VPS13A: variants seen among roughly 807,000 people sequenced by gnomAD.
VPS13A encodes vacuolar protein sorting 13 homolog A.
VPS13A carries 264 observed loss-of-function variants against 390.9 expected under a neutral mutation model. That is an observed-to-expected ratio of 0.68 (90% confidence interval 0.61 to 0.75). The LOEUF (loss-of-function observed/expected upper bound fraction) is 0.75, where lower values mean the gene tolerates loss of function less well. Among genes scored for constraint, VPS13A ranks in the 30% least tolerant of loss-of-function variants. The pLI is 0.00. For missense variants in VPS13A, 3,409 were observed against 3,733.9 expected (o/e 0.91, Z 2.27); for synonymous variants, 1,231 against 1,227.1 (o/e 1.00, Z -0.07).
chr9:77,214,319 C>A lies in VPS13A; in HGVS notation c.697-10C>A. 6.2e-7 allele frequency: 1 copy of A among 1,611,492 alleles called. No homozygotes were observed. Among genetic ancestry groups the A allele is most frequent in the South Asian group, 1.1e-5 (1 of 91,008 alleles). ...ATGAATATAAATAAAAGCAATTTGT[C>A]TTTTAATAGGACGACTTGAAGAATG... On this transcript the variant is annotated splice_polypyrimidine_tract_variant and intron_variant, in intron 9 of 71. Coordinates refer to ENST00000360280, the MANE Select transcript of VPS13A (RefSeq NM_033305.3).
At chr9:77,376,610 G>T (rs948378114) in intron 67 of VPS13A, among the ~76,000 whole-genome samples, 3 of 152,148 alleles carry the variant, frequency 2.0e-5, no homozygotes, top group African/African-American at 7.2e-5. Context: ...GAAGGGTGAG[G>T]TTGTCGTTCT....
chr9:77,387,579 T>C (rs1156801859), intron 68 of VPS13A, among the ~76,000 whole-genome samples: 6 of 152,202 alleles, frequency 3.9e-5, no homozygotes, highest in Non-Finnish European at 7.3e-5. Context: ...TCTGTAATTG[T>C]GGACACTCAT....
chr9:77,363,328 C>T (rs1292277969), intron 59 of VPS13A, among the ~76,000 whole-genome samples: 1 of 150,302 alleles, frequency 6.7e-6, no homozygotes, highest in Non-Finnish European at 1.5e-5. Context: ...TCTTTTTCTG[C>T]ATCTATGGAA....
At chr9:77,225,232 G>A (rs921188141) in intron 13 of VPS13A, among the ~76,000 whole-genome samples, 2 of 152,010 alleles carry the variant, frequency 1.3e-5, no homozygotes, top group Non-Finnish European at 2.9e-5. Flanking sequence ...TAACATACAG[G>A]CTGTACACAT....
At chr9:77,348,648 C>G (rs1283280733) in intron 52 of VPS13A, among the ~76,000 whole-genome samples, 2 of 152,088 alleles carry the variant, frequency 1.3e-5, no homozygotes, top group African/African-American at 4.8e-5. Context: ...AAATGCCATT[C>G]TATGTGATCC....
At chr9:77,343,700 A>G (rs2131518550) in intron 50 of VPS13A, among the ~76,000 whole-genome samples, 1 of 152,228 alleles carries the variant, frequency 6.6e-6, no homozygotes, top group South Asian at 2.1e-4. Flanking sequence ...TTATTTGACA[A>G]CCAGATGCTA....
intron 55 of VPS13A, among the ~76,000 whole-genome samples, chr9:77,357,316 C>CAAAAAAAA (rs1156801817): frequency 2.0e-4 from 9 of 44,604 alleles, no homozygotes; most frequent in Admixed American, 3.0e-4. Context: ...GACTCTGTCT[C>CAAAAAAAA]AAAAAAAAAA....
intron 36 of VPS13A, 58 bp downstream of exon 36, chr9:77,314,177 G>A: frequency 3.8e-6 from 6 of 1,573,540 alleles, no homozygotes; most frequent in Admixed American, 1.7e-5. Flanking sequence ...ATAGGTTGAT[G>A]TTTTTAAAGT....
At chr9:77,358,501 A>G in intron 57 of VPS13A, 63 bp downstream of exon 57, 3 of 1,370,580 alleles carry the variant, frequency 2.2e-6, no homozygotes, top group Middle Eastern at 2.4e-4. Flanking sequence ...TTACTTTACT[A>G]TAAAAATATG....
chr9:77,184,115 A>G (rs1345718733), intron 1 of VPS13A, among the ~76,000 whole-genome samples: 2 of 152,234 alleles, frequency 1.3e-5, no homozygotes, highest in Non-Finnish European at 2.9e-5. Context: ...TCTTAAGTGT[A>G]CATTGACTGA....
At chr9:77,358,480 A>C (rs1381602458) in intron 57 of VPS13A, 42 bp downstream of exon 57, 1 of 1,485,706 alleles carries the variant, frequency 6.7e-7, no homozygotes, top group Admixed American at 1.7e-5. Context: ...CAGTTGTATT[A>C]GCTATTTGAT....
chr9:77,317,803 G>T, intron 40 of VPS13A, 105 bp downstream of exon 40: 1 of 763,484 alleles, frequency 1.3e-6, no homozygotes. Context: ...AAACAAAATA[G>T]GTGTGTTTTT....
At chr9:77,216,161 G>A (rs1048172318) in intron 10 of VPS13A, among the ~76,000 whole-genome samples, 2 of 151,776 alleles carry the variant, frequency 1.3e-5, no homozygotes, top group Non-Finnish European at 2.9e-5. Flanking sequence ...CATTACGCCA[G>A]CTGGAAAAAG....
At chr9:77,396,359 G>T (rs1340061780) in intron 68 of VPS13A, among the ~76,000 whole-genome samples, 1 of 152,176 alleles carries the variant, frequency 6.6e-6, no homozygotes, top group African/African-American at 2.4e-5. Context: ...TTTGCTGACA[G>T]TCAAGATAGC....
intron 16 of VPS13A, 31 bp from the exon 17 acceptor site, chr9:77,228,078 ATATATATATATGT>A: frequency 7.5e-7 from 1 of 1,330,624 alleles, no homozygotes; most frequent in Non-Finnish European, 1.0e-6. Flanking sequence ...TTATGCTTAT[ATATATATATATGT>A]TTTCATTTTA....
At position 77,345,149 on chromosome 9, in the gene VPS13A, TTA is replaced by T; in HGVS notation, c.7289+9_7289+10del. 6.2e-7 allele frequency: 1 copy of T among 1,612,430 alleles called. No homozygotes were observed. Among genetic ancestry groups the T allele is most frequent in the Non-Finnish European group, 8.5e-7 (1 of 1,179,464 alleles). On this transcript the variant is annotated splice_region_variant and intron_variant, in intron 52 of 71. Coordinates refer to ENST00000360280, the MANE Select transcript of VPS13A (RefSeq NM_033305.3). Reference sequence around the variant, plus strand: ...TTGTTCAATACAATCAAAGGTAAGATTATCACAAATACAGTAACTCTTGATGG... The same window carrying T: ...TTGTTCAATACAATCAAAGGTAAGATTCACAAATACAGTAACTCTTGATGG...
intron 54 of VPS13A, among the ~76,000 whole-genome samples, chr9:77,355,704 A>G (rs1484052021): frequency 6.6e-6 from 1 of 152,202 alleles, no homozygotes; most frequent in Admixed American, 6.5e-5. Context: ...TTAATAAAAA[A>G]TAGCTCCTTC....
chr9:77,294,724 A>T (rs1827874562), intron 32 of VPS13A, among the ~76,000 whole-genome samples: 1 of 152,152 alleles, frequency 6.6e-6, no homozygotes, highest in Admixed American at 6.5e-5. Context: ...AAAAAATTAG[A>T]GTTGGGTTCT....
intron 31 of VPS13A, among the ~76,000 whole-genome samples, chr9:77,289,002 T>C (rs1158480333): frequency 6.6e-6 from 1 of 152,206 alleles, no homozygotes; most frequent in African/African-American, 2.4e-5. Flanking sequence ...GAAGTCTACT[T>C]TGGTAGTAAT....
Sources: allele counts gnomAD v4.1 joint callset (sites outside exome capture counted in the v4.1 genomes callset), GRCh38; gene constraint gnomAD v4.1.1; transcripts MANE v1.5; gene names NCBI Gene and HGNC (gene_info 2026-07-23, HGNC 2026-07-21).